Variants in RANBP3L observed in about 807,000 individuals in gnomAD.
RANBP3L encodes the protein RAN binding protein 3 like.
RANBP3L carries 56 observed loss-of-function variants against 67.2 expected under a neutral mutation model. The observed-to-expected ratio is 0.83, with a 90% CI of 0.67 to 1.04. The LOEUF (loss-of-function observed/expected upper bound fraction) is 1.04. RANBP3L is among the 50% of genes least tolerant of loss of function. The pLI is 0.00. For missense variants in RANBP3L, 496 were observed against 535.5 expected (o/e 0.93, Z 0.73); for synonymous variants, 164 against 181.4 (o/e 0.90, Z 0.77).
intron 1 of RANBP3L, among the ~76,000 whole-genome samples, chr5:36,291,587 C>T (rs369368809): frequency 7.3e-5 from 11 of 151,680 alleles, no homozygotes; most frequent in Non-Finnish European, 1.5e-5. Context: ...GTGTGATGTT[C>T]CCCTTCCTGT....
intron 1 of RANBP3L, among the ~76,000 whole-genome samples, chr5:36,293,476 T>G (rs1751955117): frequency 6.6e-6 from 1 of 151,968 alleles, no homozygotes; most frequent in African/African-American, 2.4e-5. Flanking sequence ...CCCTGTCTTG[T>G]GCCAGTCTTC....
intron 13 of RANBP3L, among the ~76,000 whole-genome samples, chr5:36,250,369 G>A (rs1465286625): frequency 6.6e-6 from 1 of 151,912 alleles, no homozygotes; most frequent in South Asian, 2.1e-4. Context: ...GGGTCAAGCA[G>A]GTTATAATAC....
intron 1 of RANBP3L, among the ~76,000 whole-genome samples, chr5:36,288,395 T>C (rs1404860191): frequency 1.3e-5 from 2 of 152,230 alleles, no homozygotes; most frequent in Non-Finnish European, 2.9e-5. Flanking sequence ...TGAACAGTTT[T>C]GGGTTGTTCA....
intron 1 of RANBP3L, 59 bp from the exon 2 acceptor site, chr5:36,271,370 A>G: frequency 9.1e-7 from 1 of 1,097,880 alleles, no homozygotes; most frequent in Admixed American, 2.2e-5. Context: ...TTCTTACATC[A>G]TCTAAAAATA....
intron 7 of RANBP3L, among the ~76,000 whole-genome samples, chr5:36,261,433 G>A (rs1054803344): frequency 4.6e-5 from 7 of 152,090 alleles, no homozygotes; most frequent in African/African-American, 9.7e-5. Context: ...ACCTGCTACC[G>A]CACCTGGACA....
intron 6 of RANBP3L, among the ~76,000 whole-genome samples, chr5:36,262,952 A>G (rs1329979194): frequency 6.6e-6 from 1 of 152,234 alleles, no homozygotes; most frequent in Non-Finnish European, 1.5e-5. Flanking sequence ...ATCTATACAT[A>G]GTAAGTAACC....
At chr5:36,261,894 AT>A (rs767085006) in intron 7 of RANBP3L, 44 bp downstream of exon 7, 1 of 894,658 alleles carries the variant, frequency 1.1e-6, no homozygotes, top group Non-Finnish European at 1.8e-6. Context: ...TAATGAAAGA[AT>A]GCAAGAATGA....
chr5:36,288,194 T>C (rs1579770903), intron 1 of RANBP3L, among the ~76,000 whole-genome samples: 1 of 152,250 alleles, frequency 6.6e-6, no homozygotes, highest in East Asian at 1.9e-4. Context: ...ACTGTTCTGA[T>C]GTCTATCACC....
At chr5:36,257,390 AAT>A (rs2111696481) in intron 9 of RANBP3L, 62 bp downstream of exon 9, 1 of 616,964 alleles carries the variant, frequency 1.6e-6, no homozygotes, top group South Asian at 2.6e-5. Context: ...TATTAATGTT[AAT>A]AAATAAAAAA....
At chr5:36,250,829 A>G (rs1466990021) in intron 13 of RANBP3L, among the ~76,000 whole-genome samples, 1 of 152,142 alleles carries the variant, frequency 6.6e-6, no homozygotes, top group Non-Finnish European at 1.5e-5. Flanking sequence ...TAAAAGAAAT[A>G]GTACTTTTTC....
At chr5:36,263,408 A>T (rs867426724) in intron 6 of RANBP3L, among the ~76,000 whole-genome samples, 1 of 152,200 alleles carries the variant, frequency 6.6e-6, no homozygotes, top group Non-Finnish European at 1.5e-5. Context: ...AGAAATATTG[A>T]TGTATTTTTG....
chr5:36,283,317 C>CGGATT (rs921294699), intron 1 of RANBP3L, among the ~76,000 whole-genome samples: 2 of 150,172 alleles, frequency 1.3e-5, no homozygotes, highest in African/African-American at 4.9e-5. Context: ...CTCAGCCTCC[C>CGGATT]AAAGTGCCGG....
chr5:36,299,256 A>G (rs1020899253), intron 1 of RANBP3L, among the ~76,000 whole-genome samples: 3 of 151,998 alleles, frequency 2.0e-5, no homozygotes, highest in African/African-American at 7.3e-5. Context: ...GTAAGTTAAT[A>G]CTTAATAAAC....
In RANBP3L at chr5:36,251,368, G is replaced by A. The variant is rs769576272; in HGVS notation, c.1299C>T (p.Cys433=). ...CATCCTCATTCTCATCACAGCTTTCGCAGTTCAATTGTTGGGCTGTTTCTG... is the reference window on the plus strand; with the variant it reads ...CATCCTCATTCTCATCACAGCTTTCACAGTTCAATTGTTGGGCTGTTTCTG... The part of the protein sequence containing the change: ...SLSETAQQLN[C]ESCDENEDDF... Residue 433 remains cysteine (C), a synonymous_variant, in exon 13 of 14, where the codon TGC becomes TGT. Transcript: ENST00000296604. The A allele has an allele frequency of 1.5e-5, 24 of 1,613,004 alleles. No homozygotes were observed. The highest frequency in any genetic ancestry group is 2.7e-5 in the African/African-American group (2 of 74,834).
At chr5:36,284,253 C>T (rs1477422633) in intron 1 of RANBP3L, among the ~76,000 whole-genome samples, 1 of 152,172 alleles carries the variant, frequency 6.6e-6, no homozygotes, top group Non-Finnish European at 1.5e-5. Flanking sequence ...AGATCTTATT[C>T]CTATGACCTT....
chr5:36,294,755 T>G lies in RANBP3L; in HGVS notation c.91+6571A>C, dbSNP rs539473690. 2.1e-4 allele frequency among the ~76,000 whole-genome samples: 32 copies of G among 150,130 alleles called. 1 individual carries two copies. The South Asian group carries it at 6.7e-3, about 31-fold the overall frequency. On this transcript the variant is annotated intron_variant, in intron 1 of 13. Coordinates refer to ENST00000296604, the MANE Select transcript of RANBP3L (RefSeq NM_145000.5). ...TTGGTTTTATATATATATATATGTA[T>G]AGTGTGTGTATATATATAGTGTGTA...
At chr5:36,275,628 G>A (rs2111953204) in intron 1 of RANBP3L, among the ~76,000 whole-genome samples, 1 of 152,280 alleles carries the variant, frequency 6.6e-6, no homozygotes, top group East Asian at 1.9e-4. Context: ...AGGGGAGGAA[G>A]AGGAAGCCAC....
intron 4 of RANBP3L, among the ~76,000 whole-genome samples, chr5:36,266,633 TA>T (rs1749809661): frequency 6.6e-6 from 1 of 152,340 alleles, no homozygotes; most frequent in Middle Eastern, 3.4e-3. Context: ...GAGTGTCCAG[TA>T]AAAAATGAAT....
chr5:36,264,883 A>G, intron 6 of RANBP3L, 76 bp downstream of exon 6: 1 of 1,350,862 alleles, frequency 7.4e-7, no homozygotes. Flanking sequence ...CTATTTCTGG[A>G]TATGGGGGCC....
Sources: gnomAD v4.1 joint callset for allele counts (sites outside exome capture counted in the v4.1 genomes callset) on GRCh38, gnomAD v4.1.1 for gene constraint, MANE v1.5 for transcripts, NCBI Gene and HGNC (gene_info 2026-07-23, HGNC 2026-07-21) for gene names.